The following SLC26A11 variants were observed in gnomAD, a reference collection of about 807,000 sequenced individuals.
The protein encoded by SLC26A11 is sodium-independent sulfate anion transporter.
A neutral mutation model predicts 62.2 loss-of-function variants in SLC26A11; 58 were observed. That is an observed-to-expected ratio of 0.93 (90% CI 0.76 to 1.16). SLC26A11 has a LOEUF of 1.16. Ranked by LOEUF, SLC26A11 falls within the 50% of genes most tolerant of loss-of-function variation. The pLI is 0.00. For missense variants in SLC26A11, 790 were observed against 794.3 expected (o/e 0.99, Z 0.06); for synonymous variants, 411 against 368.9 (o/e 1.11, Z -1.31).
rs754101916 is a variant in SLC26A11 at position 80,248,689 on chromosome 17, G to T, written c.1522+15G>T. 3 of 1,556,222 alleles carry T rather than the reference G, an allele frequency of 1.9e-6. No individual in the cohort carries two copies. The highest frequency in any genetic ancestry group is 2.6e-6 in the Non-Finnish European group (3 of 1,149,700). Reference sequence around the variant, plus strand: ...GGCCCTGGAAGGTGCATGGGCGGGGGTCAAGGTGGTCTGAGGTCACTCCCC... The same window carrying T: ...GGCCCTGGAAGGTGCATGGGCGGGGTTCAAGGTGGTCTGAGGTCACTCCCC... On this transcript the variant is annotated intron_variant, in intron 15 of 17. Coordinates refer to ENST00000361193, the MANE Select transcript of SLC26A11 (RefSeq NM_001166347.2).
chr17:80,239,952 C>T (rs372476178), intron 9 of SLC26A11, among the ~76,000 whole-genome samples: 4 of 152,246 alleles, frequency 2.6e-5, no homozygotes, highest in East Asian at 1.9e-4. Flanking sequence ...ATGTGCTGTC[C>T]GTGGCTGCTT....
At chr17:80,238,600 G>C (rs773474129) in intron 9 of SLC26A11, among the ~76,000 whole-genome samples, 3 of 152,054 alleles carry the variant, frequency 2.0e-5, no homozygotes, top group Non-Finnish European at 4.4e-5. Context: ...GCTTTGTATT[G>C]TCTGTGCGGA....
chr17:80,238,811 G>GGTTTTTTTTTTTTTTTTTTTT lies in SLC26A11; in HGVS notation c.985+1217_985+1218insGTTTTTTTTTTTTTTTTTTTT, dbSNP rs1555629117. On this transcript the variant is annotated intron_variant, in intron 9 of 17. Coordinates refer to ENST00000361193, the MANE Select transcript of SLC26A11 (RefSeq NM_001166347.2). ...TCTAACCCTTACCCCCTTCAAAGGA[G>GGTTTTTTTTTTTTTTTTTTTT]TTTTTTTTGTTTTTTGTTTTTTTTT... Among the ~76,000 whole-genome samples, 14 of 123,226 alleles carry GGTTTTTTTTTTTTTTTTTTTT rather than the reference G, an allele frequency of 1.1e-4. 1 individual carries two copies. The highest frequency in any genetic ancestry group is 4.5e-4 in the African/African-American group (13 of 29,194). The allele number at this position is 123,226 out of a possible 152,430, so 80.8% of individuals were successfully genotyped here.
In SLC26A11 at chr17:80,246,298, T is replaced by C; in HGVS notation, c.1153+89T>C. On this transcript the variant is annotated intron_variant, in intron 12 of 17. Coordinates refer to ENST00000361193, the MANE Select transcript of SLC26A11 (RefSeq NM_001166347.2). The surrounding 1 kb of genome is among the most constrained non-coding windows in gnomAD (Gnocchi z 4.4). ...CCCACAGAGACGTCCCTTTGGCTCA[T>C]GGGCCGTGCGCCCCGGGACTGCACA... is the stretch of plus-strand genomic sequence containing the variant. 6.6e-7 allele frequency: 1 copy of C among 1,508,162 alleles called. No homozygotes were observed. 93.4% of individuals were successfully genotyped at this position (1,508,162 alleles called of 1,614,324 possible). A position where few individuals can be genotyped will look rare whatever the true frequency, so the allele number is the denominator to read the frequency against.
At chr17:80,245,667 G>T (rs976618318) in intron 11 of SLC26A11, among the ~76,000 whole-genome samples, 1 of 152,200 alleles carries the variant, frequency 6.6e-6, no homozygotes, top group African/African-American at 2.4e-5. Flanking sequence ...CCTAGCTCCT[G>T]GTGCCAGAGT....
chr17:80,230,696 A>G (rs775918905), intron 7 of SLC26A11, among the ~76,000 whole-genome samples: 26 of 152,148 alleles, frequency 1.7e-4, no homozygotes, highest in Non-Finnish European at 5.9e-5. Flanking sequence ...GCAGCCAGAA[A>G]GGTCTTTTAA....
chr17:80,236,885 C>T (rs377627539), intron 7 of SLC26A11, 43 bp from the exon 8 acceptor site: 103 of 1,576,656 alleles, frequency 6.5e-5, no homozygotes, highest in Non-Finnish European at 7.9e-5. Flanking sequence ...ACCCCACACT[C>T]GCCGGGAGCA....
intron 13 of SLC26A11, among the ~76,000 whole-genome samples, chr17:80,247,722 T>G (rs1459632912): frequency 6.6e-6 from 1 of 152,234 alleles, no homozygotes; most frequent in African/African-American, 2.4e-5. Context: ...GGGGCAGGCC[T>G]GACCTATGCG....
chr17:80,235,931 C>T (rs937935961), intron 7 of SLC26A11, among the ~76,000 whole-genome samples: 2 of 152,210 alleles, frequency 1.3e-5, no homozygotes, highest in Non-Finnish European at 2.9e-5. Flanking sequence ...AAATCACTCC[C>T]ATTCATTTAC....
chr17:80,237,044 A>G lies in SLC26A11; in HGVS notation c.853A>G (p.Ile285Val), dbSNP rs1016456801. ...AGCTGAGGGGCTCCCTCCAGTCCGG[A>G]TCCCGCCCTTCTCAGTGACCACAGC... is the stretch of plus-strand genomic sequence containing the variant. ...ETAEGLPPVR[I>V]PPFSVTTANG... Residue 285 changes from isoleucine to valine, a missense_variant, in exon 8 of 18, where the codon ATC becomes GTC. Physicochemically the swap from Ile to Val is conservative, Grantham distance 29. Transcript: ENST00000361193. 4 of 1,613,794 alleles carry G rather than the reference A, an allele frequency of 2.5e-6. No individual in the cohort carries two copies. The Admixed American group carries it at 5.0e-5, about 20-fold the overall frequency.
At chr17:80,227,731 C>G in intron 6 of SLC26A11, 87 bp from the exon 7 acceptor site, 2 of 1,529,434 alleles carry the variant, frequency 1.3e-6, no homozygotes, top group Non-Finnish European at 1.8e-6. Flanking sequence ...TTCTTAGTGC[C>G]TCTCAGCTTA....
chr17:80,237,828 C>A (rs1411996533), intron 9 of SLC26A11, among the ~76,000 whole-genome samples: 1 of 152,244 alleles, frequency 6.6e-6, no homozygotes, highest in African/African-American at 2.4e-5. Context: ...ACAGCCTCTG[C>A]TGTTTGTGGA....
At chr17:80,235,189 CT>C (rs2042661079) in intron 7 of SLC26A11, among the ~76,000 whole-genome samples, 1 of 152,022 alleles carries the variant, frequency 6.6e-6, no homozygotes, top group South Asian at 2.1e-4. Context: ...TACATCTTTA[CT>C]TAACAGTTGC....
At position 80,243,435 on chromosome 17, in the gene SLC26A11, T is replaced by G. The variant is rs145763311; in HGVS notation, c.1036+1614T>G. ...TTATTTGAGACGGAATCTTCCTCTG[T>G]CGCCCAGGCTGGAGTGCAGTGGCAC... On this transcript the variant is annotated intron_variant, in intron 10 of 17. Coordinates refer to ENST00000361193, the MANE Select transcript of SLC26A11 (RefSeq NM_001166347.2). Among the ~76,000 whole-genome samples the G allele has an allele frequency of 9.9e-3, 1,504 of 152,230 alleles. 19 individuals carry two copies. The highest frequency in any genetic ancestry group is 0.034 in the African/African-American group (1,392 of 41,480).
rs146615233 is a variant in SLC26A11 at position 80,246,548 on chromosome 17, T to C, written c.1193T>C (p.Leu398Pro). 4.3e-6 allele frequency: 7 copies of C among 1,613,438 alleles called. No individual in the cohort carries two copies. Among genetic ancestry groups the C allele is most frequent in the African/African-American group, 4.0e-5 (3 of 74,958 alleles). The change falls in exon 13 of 18, where the codon CTG becomes CCG. Residue 398 changes from leucine (L) to proline (P), a missense_variant. By Grantham distance (98) the Leu-to-Pro change is moderately conservative. Coordinates refer to ENST00000361193, the MANE Select transcript of SLC26A11 (RefSeq NM_001166347.2). The surrounding 1 kb of genome is among the most constrained non-coding windows in gnomAD (Gnocchi z 4.4). Reference sequence around the variant, plus strand: ...CTGTCTCTGGACTACCTGACCTCACTGTTCTACTACATCCCCAAGTCTGCC... The same window carrying C: ...CTGTCTCTGGACTACCTGACCTCACCGTTCTACTACATCCCCAAGTCTGCC... Reference protein sequence around the residue: ...VLLSLDYLTSLFYYIPKSALA... With the variant: ...VLLSLDYLTSPFYYIPKSALA...
At chr17:80,224,442 A>AGT (rs33961786) in intron 5 of SLC26A11, among the ~76,000 whole-genome samples, 2 of 120,250 alleles carry the variant, frequency 1.7e-5, no homozygotes, top group Admixed American at 7.3e-5. Flanking sequence ...TGTGGGTGTG[A>AGT]GAGTGTGAGT....
intron 7 of SLC26A11, among the ~76,000 whole-genome samples, chr17:80,229,465 T>G (rs2042502411): frequency 6.6e-6 from 1 of 152,036 alleles, no homozygotes; most frequent in Non-Finnish European, 1.5e-5. Flanking sequence ...GGTGTCTCAC[T>G]CTGTTGCCCA....
At position 80,246,332 on chromosome 17, in the gene SLC26A11, G is replaced by T; in HGVS notation, c.1153+123G>T. ...CGCCCCGGGACTGCACAGGGACTTG[G>T]GGGGCCACACAGGAGTAGGGGGACC... On this transcript the variant is annotated intron_variant, in intron 12 of 17. Coordinates refer to ENST00000361193, the MANE Select transcript of SLC26A11 (RefSeq NM_001166347.2). This position sits in a 1 kb window ranked among gnomAD's most constrained non-coding sequence, Gnocchi z 4.4. 1 of 1,432,222 alleles carries T rather than the reference G, an allele frequency of 7.0e-7. No homozygotes were observed. Among genetic ancestry groups the T allele is most frequent in the East Asian group, 2.3e-5 (1 of 43,198 alleles). The allele number at this position is 1,432,222 out of a possible 1,614,324, so 88.7% of individuals were successfully genotyped here. A position where few individuals can be genotyped will look rare whatever the true frequency, so the allele number is the denominator to read the frequency against.
chr17:80,252,492 C>T lies in SLC26A11; in HGVS notation c.1730-133C>T. On this transcript the variant is annotated intron_variant, in intron 17 of 17. Coordinates refer to ENST00000361193, the MANE Select transcript of SLC26A11 (RefSeq NM_001166347.2). This position sits in a 1 kb window ranked among gnomAD's most constrained non-coding sequence, Gnocchi z 5.2. ...ACCCTCATGGAGTTAGTGACACTGG[C>T]CTGGGTGGCCCACAGCTCCTTCCTG... is the stretch of plus-strand genomic sequence containing the variant. The T allele has an allele frequency of 1.5e-6, 1 of 678,414 alleles. No individual in the cohort carries two copies. 42.0% of individuals were successfully genotyped at this position (678,414 alleles called of 1,614,324 possible).
Sources: gnomAD v4.1 joint callset for allele counts (sites outside exome capture counted in the v4.1 genomes callset) on GRCh38, gnomAD v4.1.1 for gene constraint, Gnocchi (gnomAD v3.1) non-coding constraint, MANE v1.5 for transcripts, NCBI Gene and HGNC (gene_info 2026-07-23, HGNC 2026-07-21) for gene names.